MECOM: variants seen among roughly 807,000 people sequenced by gnomAD.
MECOM encodes histone-lysine N-methyltransferase MECOM.
Under a neutral mutation model 116.3 loss-of-function variants are expected in MECOM, and 13 were observed. The observed-to-expected ratio is 0.11, with a 90% CI of 0.07 to 0.18. The LOEUF (loss-of-function observed/expected upper bound fraction) is 0.18. Among genes scored for constraint, MECOM ranks in the 10% least tolerant of loss-of-function variants. The probability of loss-of-function intolerance (pLI) is 1.00; values close to 1 mark genes in which losing one functional copy is unlikely to be tolerated. For missense variants in MECOM, 1,299 were observed against 1,509.0 expected, an observed-to-expected ratio of 0.86 and a Z score of 2.31; for synonymous variants, 528 against 535.2, an observed-to-expected ratio of 0.99 and a Z score of 0.19.
chr3:169,471,844 T>G (rs961410922), intron 1 of MECOM, among the ~76,000 whole-genome samples: 2 of 152,322 alleles, frequency 1.3e-5, no homozygotes, highest in South Asian at 4.1e-4. Flanking sequence ...TATTTAATAG[T>G]TTTCCTTACT....
Position 169,285,591 on chromosome 3 carries a change from G to C in MECOM, c.375+95596C>G, listed in dbSNP as rs1201885460. On this transcript the variant is annotated intron_variant, in intron 2 of 16. Coordinates refer to ENST00000651503, the MANE Select transcript of MECOM (RefSeq NM_004991.4). ...CAAGTGTGTGACTGCAGTAAACAGA[G>C]CCAGCTTGGGGAAAAGGTGAAAGAC... Among the ~76,000 whole-genome samples, 6 of 152,302 alleles carry C rather than the reference G, an allele frequency of 3.9e-5. No individual in the cohort carries two copies. In the East Asian group the frequency reaches 1.2e-3, roughly 29 times the overall value.
chr3:169,254,660 T>TGAA (rs1756646473), intron 2 of MECOM, among the ~76,000 whole-genome samples: 1 of 152,084 alleles, frequency 6.6e-6, no homozygotes, highest in Non-Finnish European at 1.5e-5. Context: ...CAAGTTCTGT[T>TGAA]CATGACAAAT....
chr3:169,376,658 C>T (rs1731088393), intron 2 of MECOM, among the ~76,000 whole-genome samples: 1 of 147,052 alleles, frequency 6.8e-6, no homozygotes, highest in African/African-American at 2.6e-5. Flanking sequence ...AACTACAAAC[C>T]ACTGCTCAAG....
chr3:169,216,833 C>T (rs561913228), intron 2 of MECOM, among the ~76,000 whole-genome samples: 4 of 152,044 alleles, frequency 2.6e-5, no homozygotes, highest in South Asian at 4.1e-4. Flanking sequence ...AAAAAGTTGA[C>T]AGTGTTTATC....
In MECOM at chr3:169,091,424, T is replaced by C. The variant is rs533866604; in HGVS notation, c.3165-1188A>G. On this transcript the variant is annotated intron_variant, in intron 14 of 16. Coordinates refer to ENST00000651503, the MANE Select transcript of MECOM (RefSeq NM_004991.4). The stretch of plus-strand genomic sequence containing the variant: ...ATGCTGAAGCCAGATGTTGCAACTA[T>C]ACAGGCTCACAAATCGCCAATTAAA... Among the ~76,000 whole-genome samples the C allele has an allele frequency of 3.3e-5, 5 of 152,270 alleles. No homozygotes were observed. The South Asian group carries it at 1.0e-3, about 32-fold the overall frequency.
chr3:169,649,828 A>G (rs553165871), intron 1 of MECOM, among the ~76,000 whole-genome samples: 29 of 152,360 alleles, frequency 1.9e-4, no homozygotes, highest in African/African-American at 7.0e-4. Context: ...ATTTATATGA[A>G]TAATTTTAAT....
intron 1 of MECOM, among the ~76,000 whole-genome samples, chr3:169,556,414 G>A (rs1425402505): frequency 6.6e-6 from 1 of 152,088 alleles, no homozygotes; most frequent in African/African-American, 2.4e-5. Context: ...AAGTAAAGGG[G>A]AACCAAATTT....
At chr3:169,449,008 CAGG>C (rs1479450150) in intron 1 of MECOM, among the ~76,000 whole-genome samples, 3 of 152,004 alleles carry the variant, frequency 2.0e-5, no homozygotes, top group Admixed American at 2.0e-4. Context: ...GCCAATCTAC[CAGG>C]AGTAGTATCT....
Position 169,441,796 on chromosome 3 carries a change from T to A in MECOM, c.38-60272A>T, listed in dbSNP as rs139379866. 8.4e-3 allele frequency among the ~76,000 whole-genome samples: 1,263 copies of A among 150,198 alleles called. 18 individuals carry two copies. Among genetic ancestry groups the A allele is most frequent in the African/African-American group, 0.029 (1,210 of 41,254 alleles). On this transcript the variant is annotated intron_variant, in intron 1 of 16. Transcript: ENST00000651503. ...CCCAGGCTGGAGTGCAGTGGTGCAATCTCAGTGCACTGCAACCTCCACCTC... is the reference window on the plus strand; with the variant it reads ...CCCAGGCTGGAGTGCAGTGGTGCAAACTCAGTGCACTGCAACCTCCACCTC...
chr3:169,563,192 A>G (rs1427634270), intron 1 of MECOM, among the ~76,000 whole-genome samples: 2 of 152,180 alleles, frequency 1.3e-5, no homozygotes, highest in Non-Finnish European at 1.5e-5. Context: ...ACCCTGGCAG[A>G]CAAGTCAGAA....
In MECOM at chr3:169,485,865, T is replaced by C. The variant is rs145848275; in HGVS notation, c.38-104341A>G. On this transcript the variant is annotated intron_variant, in intron 1 of 16. Transcript: ENST00000651503. ...TGTGTGTGTGTATATACCATATGTA[T>C]AGTATATATGTATATATATGTATAT... Among the ~76,000 whole-genome samples the C allele has an allele frequency of 6.1e-4, 59 of 97,370 alleles. 6 individuals are homozygous for C. In the East Asian group the frequency reaches 0.022, roughly 36 times the overall value. 63.9% of individuals were successfully genotyped at this position (97,370 alleles called of 152,430 possible). A position where few individuals can be genotyped will look rare whatever the true frequency, so the allele number is the denominator to read the frequency against.
At chr3:169,125,940 A>G (rs1732664807) in intron 5 of MECOM, among the ~76,000 whole-genome samples, 1 of 152,114 alleles carries the variant, frequency 6.6e-6, no homozygotes, top group Non-Finnish European at 1.5e-5. Context: ...AAGTGACAAC[A>G]TAGCATTCAA....
intron 2 of MECOM, among the ~76,000 whole-genome samples, chr3:169,355,426 G>A (rs1727098910): frequency 6.6e-6 from 1 of 151,764 alleles, no homozygotes; most frequent in South Asian, 2.1e-4. Context: ...GTTAATTTGT[G>A]GAAACTAGGA....
intron 2 of MECOM, among the ~76,000 whole-genome samples, chr3:169,217,089 G>C (rs1212536219): frequency 6.6e-6 from 1 of 152,124 alleles, no homozygotes; most frequent in African/African-American, 2.4e-5. Context: ...CAGGAGGGTG[G>C]ATGATCCGCA....
intron 1 of MECOM, among the ~76,000 whole-genome samples, chr3:169,632,895 A>G (rs529756679): frequency 6.6e-6 from 1 of 152,278 alleles, no homozygotes; most frequent in African/African-American, 2.4e-5. Flanking sequence ...TGTCCTTTCA[A>G]TGTTCTGTAT....
rs546425100 is a variant in MECOM at position 169,616,009 on chromosome 3, G to A, written c.37+47327C>T. The stretch of plus-strand genomic sequence containing the variant: ...GTTGGTGGCTCCTTTCCAAATCTTC[G>A]AGAATGGCCCAGCCAGCCAGCCCTT... On this transcript the variant is annotated intron_variant, in intron 1 of 16. Transcript: ENST00000651503. Among the ~76,000 whole-genome samples, 59 of 152,252 alleles carry A rather than the reference G, an allele frequency of 3.9e-4. No individual in the cohort carries two copies. The South Asian group carries it at 0.011, about 29-fold the overall frequency.
intron 2 of MECOM, among the ~76,000 whole-genome samples, chr3:169,173,717 CT>C (rs778878884): frequency 1.3e-5 from 2 of 152,222 alleles, no homozygotes; most frequent in Non-Finnish European, 2.9e-5. Flanking sequence ...GCGATCCATT[CT>C]GCCAAATATA....
At chr3:169,303,285 T>C (rs1267987488) in intron 2 of MECOM, among the ~76,000 whole-genome samples, 1 of 152,220 alleles carries the variant, frequency 6.6e-6, no homozygotes, top group Non-Finnish European at 1.5e-5. Context: ...CACACATTGA[T>C]GGCATTTTCA....
intron 1 of MECOM, among the ~76,000 whole-genome samples, chr3:169,485,933 G>T (rs1164257281): frequency 3.0e-5 from 3 of 100,276 alleles, no homozygotes; most frequent in Non-Finnish European, 3.8e-5. Context: ...AGTATATATA[G>T]TATATATGTA....
Sources: gnomAD v4.1 joint callset for allele counts (sites outside exome capture counted in the v4.1 genomes callset) on GRCh38, gnomAD v4.1.1 for gene constraint, MANE v1.5 for transcripts, NCBI Gene and HGNC (gene_info 2026-07-23, HGNC 2026-07-21) for gene names.